The following HMBOX1 variants were observed in gnomAD, a reference collection of about 807,000 sequenced individuals.
HMBOX1 encodes homeobox-containing protein 1.
Under a neutral mutation model 54.5 loss-of-function variants are expected in HMBOX1, and 14 were observed. That is an observed-to-expected ratio of 0.26 (90% confidence interval 0.17 to 0.40). The LOEUF is 0.40. HMBOX1 is among the 10% of genes least tolerant of loss of function. The pLI is 1.00. For missense variants in HMBOX1, 332 were observed against 514.4 expected, an observed-to-expected ratio of 0.65 and a Z score of 3.43; for synonymous variants, 160 against 181.0, an observed-to-expected ratio of 0.88 and a Z score of 0.93.
At chr8:29,048,701 A>G in intron 8 of HMBOX1, 1 of 385,212 alleles carries the variant, frequency 2.6e-6, no homozygotes, top group South Asian at 4.5e-5. Flanking sequence ...CTGTTTAGTT[A>G]GTTAGCAAGT....
intron 1 of HMBOX1, among the ~76,000 whole-genome samples, chr8:28,957,311 A>G (rs1439632739): frequency 3.9e-5 from 6 of 152,190 alleles, no homozygotes; most frequent in Non-Finnish European, 5.9e-5. Context: ...TGCAGAAACA[A>G]AATTAAATAC....
intron 4 of HMBOX1, among the ~76,000 whole-genome samples, chr8:28,989,906 A>G (rs1192820040): frequency 6.6e-6 from 1 of 152,062 alleles, no homozygotes; most frequent in Admixed American, 6.6e-5. Flanking sequence ...TTTTCAGTGT[A>G]CACGTTTTGT....
At chr8:28,925,232 GTC>G (rs1310278761) in intron 1 of HMBOX1, among the ~76,000 whole-genome samples, 3 of 152,172 alleles carry the variant, frequency 2.0e-5, no homozygotes, top group Admixed American at 2.0e-4. Flanking sequence ...TTGGTGTATT[GTC>G]TGTGGTTCAG....
chr8:28,912,049 G>C (rs999559963), intron 1 of HMBOX1, among the ~76,000 whole-genome samples: 3 of 152,060 alleles, frequency 2.0e-5, no homozygotes, highest in African/African-American at 7.2e-5. Flanking sequence ...CTAACCAAAG[G>C]CTATTTTATA....
intron 4 of HMBOX1, among the ~76,000 whole-genome samples, chr8:29,004,512 C>T (rs999791198): frequency 1.3e-5 from 2 of 152,010 alleles, no homozygotes; most frequent in African/African-American, 2.4e-5. Flanking sequence ...TGGAAGGGAG[C>T]GTGGTGTTTG....
intron 4 of HMBOX1, among the ~76,000 whole-genome samples, chr8:29,005,854 C>G (rs1473573708): frequency 6.6e-6 from 1 of 151,834 alleles, no homozygotes; most frequent in East Asian, 1.9e-4. Flanking sequence ...GTATGTGTGT[C>G]TGTGTTATAG....
chr8:29,020,517 A>G (rs1476955732), intron 6 of HMBOX1, among the ~76,000 whole-genome samples: 2 of 152,174 alleles, frequency 1.3e-5, no homozygotes, highest in East Asian at 1.9e-4. Context: ...CATTTACCCT[A>G]TGACTCCTAT....
chr8:28,990,545 T>C (rs1464595899), intron 4 of HMBOX1, among the ~76,000 whole-genome samples: 1 of 152,236 alleles, frequency 6.6e-6, no homozygotes, highest in Non-Finnish European at 1.5e-5. Flanking sequence ...TTATATTATT[T>C]AATTTGGTGA....
intron 1 of HMBOX1, among the ~76,000 whole-genome samples, chr8:28,960,770 T>G (rs1237809631): frequency 6.7e-5 from 3 of 45,002 alleles, no homozygotes; most frequent in African/African-American, 2.9e-4. Flanking sequence ...TTTTTCTTTT[T>G]TTTTTTTTTT....
Position 28,932,939 on chromosome 8 carries a change from G to A in HMBOX1, c.-57-30872G>A, listed in dbSNP as rs1452729561. 3.3e-5 allele frequency among the ~76,000 whole-genome samples: 5 copies of A among 152,168 alleles called. No homozygotes were observed. In the South Asian group the frequency reaches 8.3e-4, roughly 25 times the overall value. On this transcript the variant is annotated intron_variant, in intron 1 of 9. Coordinates refer to ENST00000287701, the MANE Select transcript of HMBOX1 (RefSeq NM_001135726.3). ...AACTAGATCATTTTCTTTACATGGT[G>A]ATCTCTGTGTAGCTCTCCAAGAAAG...
chr8:28,898,429 TA>T (rs1401857085), intron 1 of HMBOX1, among the ~76,000 whole-genome samples: 1 of 152,224 alleles, frequency 6.6e-6, no homozygotes, highest in Non-Finnish European at 1.5e-5. Context: ...GTGTACGTAC[TA>T]AAAAATAATG....
chr8:29,001,329 C>T (rs1832606082), intron 4 of HMBOX1, among the ~76,000 whole-genome samples: 1 of 152,178 alleles, frequency 6.6e-6, no homozygotes. Context: ...GCGGGTGGCT[C>T]ACCTAAGGTC....
intron 6 of HMBOX1, among the ~76,000 whole-genome samples, chr8:29,028,097 T>C (rs1802356467): frequency 1.3e-5 from 2 of 152,112 alleles, no homozygotes; most frequent in African/African-American, 4.8e-5. Flanking sequence ...AAAAAATTAA[T>C]CCAAAATATT....
chr8:29,044,872 C>T (rs1805349266), intron 6 of HMBOX1, among the ~76,000 whole-genome samples: 1 of 152,140 alleles, frequency 6.6e-6, no homozygotes, highest in South Asian at 2.1e-4. Flanking sequence ...TGCCATTCTA[C>T]TGATGGATAC....
intron 5 of HMBOX1, among the ~76,000 whole-genome samples, chr8:29,013,722 C>T (rs1834547751): frequency 6.6e-6 from 1 of 152,058 alleles, no homozygotes; most frequent in African/African-American, 2.4e-5. Flanking sequence ...AAGAAAATAC[C>T]TATTTTTTAA....
chr8:28,897,938 T>G (rs1356542650), intron 1 of HMBOX1, among the ~76,000 whole-genome samples: 1 of 152,196 alleles, frequency 6.6e-6, no homozygotes, highest in Non-Finnish European at 1.5e-5. Context: ...AAAAAGGATC[T>G]TTACAGAATA....
chr8:29,045,318 T>C, intron 6 of HMBOX1, 43 bp from the exon 7 acceptor site: 1 of 1,474,598 alleles, frequency 6.8e-7, no homozygotes. Context: ...GAGAGTATGT[T>C]TGAAAAATAA....
chr8:29,029,333 T>C (rs1223680492), intron 6 of HMBOX1, among the ~76,000 whole-genome samples: 1 of 152,224 alleles, frequency 6.6e-6, no homozygotes, highest in Non-Finnish European at 1.5e-5. Flanking sequence ...GAGAAATAAT[T>C]AGAGCAGAAA....
At chr8:29,012,101 A>C (rs1217552475) in intron 5 of HMBOX1, among the ~76,000 whole-genome samples, 1 of 152,238 alleles carries the variant, frequency 6.6e-6, no homozygotes, top group African/African-American at 2.4e-5. Flanking sequence ...TTGCGTTAAC[A>C]GCAATTGGGT....
Sources: gnomAD v4.1 joint callset for allele counts (sites outside exome capture counted in the v4.1 genomes callset) on GRCh38, gnomAD v4.1.1 for gene constraint, MANE v1.5 for transcripts, NCBI Gene and HGNC (gene_info 2026-07-23, HGNC 2026-07-21) for gene names.